The following GLT8D2 variants were observed in gnomAD, a reference collection of about 807,000 sequenced individuals.
The protein encoded by GLT8D2 is glycosyltransferase 8 domain containing 2.
In GLT8D2, 45 loss-of-function variants were observed where a neutral mutation model predicts 44.5. That is an observed-to-expected ratio of 1.01 (90% CI 0.80 to 1.30). The LOEUF (loss-of-function observed/expected upper bound fraction) is 1.30. Among genes scored for constraint, GLT8D2 ranks in the 50% most tolerant of loss-of-function variants. The pLI, the probability that GLT8D2 is intolerant of heterozygous loss-of-function variation, is 0.00. For synonymous variants in GLT8D2, 156 were observed against 157.2 expected (o/e 0.99, Z 0.06); for missense variants, 400 against 430.4 (o/e 0.93, Z 0.62).
intron 4 of GLT8D2, among the ~76,000 whole-genome samples, chr12:104,008,402 C>T (rs1259038910): frequency 2.6e-5 from 4 of 152,076 alleles, no homozygotes; most frequent in Non-Finnish European, 2.9e-5. Flanking sequence ...GAACTTTGAA[C>T]TTGAGAGAGA....
intron 1 of GLT8D2, among the ~76,000 whole-genome samples, chr12:104,032,466 C>CA (rs547392677): frequency 0.014 from 811 of 59,584 alleles, 23 homozygotes; most frequent in Admixed American, 0.021. Context: ...TGTGCAATAG[C>CA]AAAAAAAAAA....
intron 1 of GLT8D2, among the ~76,000 whole-genome samples, chr12:104,060,764 A>T (rs1287267673): frequency 6.6e-6 from 1 of 152,096 alleles, no homozygotes; most frequent in East Asian, 1.9e-4. Context: ...CTCTAGAAAA[A>T]ATTTAAAAAC....
intron 1 of GLT8D2, chr12:104,030,637 A>G: frequency 7.8e-7 from 1 of 1,287,872 alleles, no homozygotes; most frequent in Non-Finnish European, 1.1e-6. Flanking sequence ...CAAACCATAT[A>G]CCTGATAAGA....
At chr12:104,028,558 G>A (rs1878848946) in intron 1 of GLT8D2, among the ~76,000 whole-genome samples, 1 of 152,078 alleles carries the variant, frequency 6.6e-6, no homozygotes, top group Admixed American at 6.6e-5. Flanking sequence ...AATCCTAGCT[G>A]CACAATGTAT....
intron 1 of GLT8D2, among the ~76,000 whole-genome samples, chr12:104,061,281 T>C (rs1228395084): frequency 6.6e-6 from 1 of 152,248 alleles, no homozygotes; most frequent in Non-Finnish European, 1.5e-5. Context: ...ATATTTTGCC[T>C]TAATTTTTCT....
At chr12:103,999,681 G>A (rs1873951327) in intron 5 of GLT8D2, among the ~76,000 whole-genome samples, 167 bp from the exon 6 acceptor site, 1 of 152,032 alleles carries the variant, frequency 6.6e-6, no homozygotes, top group Non-Finnish European at 1.5e-5. Flanking sequence ...TCCCCATCTG[G>A]TCTGACTTTA....
chr12:104,003,008 G>C, intron 5 of GLT8D2, 127 bp downstream of exon 5: 1 of 660,388 alleles, frequency 1.5e-6, no homozygotes. Context: ...GAGAGGGAGA[G>C]AAAGAGAGAA....
rs1192626372 is a variant in GLT8D2, at chr12:104,016,863, A to AAAGAAAGAAAGG, written c.20-1759_20-1758insCCTTTCTTTCTT. Among the ~76,000 whole-genome samples, 36 of 151,016 alleles carry AAAGAAAGAAAGG rather than the reference A, an allele frequency of 2.4e-4. 1 individual carries two copies. Among genetic ancestry groups the AAAGAAAGAAAGG allele is most frequent in the African/African-American group, 8.6e-4 (35 of 40,904 alleles). On this transcript the variant is annotated intron_variant, in intron 3 of 10. Transcript: ENST00000360814. ...GAAAGAAAGAAAGAAAGAAAGAAAG[A>AAAGAAAGAAAGG]AAGAAAGAAAGAAAGAAAGAAAAAT... is the stretch of plus-strand genomic sequence containing the variant.
At chr12:103,990,104 T>TCTGTAGG (rs1196677843) in intron 10 of GLT8D2, among the ~76,000 whole-genome samples, 2 of 33,880 alleles carry the variant, frequency 5.9e-5, no homozygotes, top group African/African-American at 1.2e-4. Context: ...TATATATATA[T>TCTGTAGG]ATATATATAT....
upstream of GLT8D2, among the ~76,000 whole-genome samples, chr12:104,052,241 G>A (rs1881789818): frequency 1.3e-5 from 2 of 152,184 alleles, no homozygotes; most frequent in Non-Finnish European, 2.9e-5. Flanking sequence ...TTTAGTAGGG[G>A]TTTTCTTAGA....
At chr12:104,052,957 G>A (rs1187657656), upstream of GLT8D2, among the ~76,000 whole-genome samples, 1 of 152,090 alleles carries the variant, frequency 6.6e-6, no homozygotes, top group African/African-American at 2.4e-5. Flanking sequence ...TAGCTAAAAC[G>A]TTGGTCACCT....
At chr12:104,052,208 T>C (rs1262899942), upstream of GLT8D2, among the ~76,000 whole-genome samples, 2 of 152,254 alleles carry the variant, frequency 1.3e-5, no homozygotes, top group Non-Finnish European at 2.9e-5. Context: ...GGCTACTATA[T>C]TGAGCAGTTC....
intron 1 of GLT8D2, among the ~76,000 whole-genome samples, chr12:104,036,774 A>G (rs1879970509): frequency 6.6e-6 from 1 of 152,206 alleles, no homozygotes; most frequent in Non-Finnish European, 1.5e-5. Context: ...GTTAACAAGA[A>G]TATCCAAGAC....
At chr12:104,044,890 T>C (rs1023871523) in intron 1 of GLT8D2, among the ~76,000 whole-genome samples, 4 of 152,258 alleles carry the variant, frequency 2.6e-5, no homozygotes, top group African/African-American at 9.6e-5. Context: ...TTTCACCAGA[T>C]CCACCAGTTG....
intron 4 of GLT8D2, among the ~76,000 whole-genome samples, chr12:104,009,187 G>C (rs1875493299): frequency 6.6e-6 from 1 of 152,196 alleles, no homozygotes; most frequent in Non-Finnish European, 1.5e-5. Flanking sequence ...GACACTCAAT[G>C]CCAGCCCATG....
At chr12:104,045,176 C>G (rs915840333) in intron 1 of GLT8D2, among the ~76,000 whole-genome samples, 1 of 152,202 alleles carries the variant, frequency 6.6e-6, no homozygotes, top group East Asian at 1.9e-4. Context: ...CTCTTCAGCC[C>G]CAGAAAGAAA....
intron 4 of GLT8D2, among the ~76,000 whole-genome samples, chr12:104,005,927 T>C (rs1034055134): frequency 2.0e-4 from 31 of 152,182 alleles, no homozygotes; most frequent in African/African-American, 7.2e-4. Context: ...TAAAGACACA[T>C]GCACACGTAT....
At position 104,059,395 on chromosome 12, in the gene GLT8D2, T is replaced by C. The variant is rs11834974; in HGVS notation, c.-423+4554A>G. Among the ~76,000 whole-genome samples the C allele has an allele frequency of 9.7e-3, 1,482 of 152,272 alleles. 24 individuals carry two copies. The highest frequency in any genetic ancestry group is 0.034 in the African/African-American group (1,410 of 41,538). ...TCACTAAGTACTCAGGAAATTAGGC[T>C]TCTTCCAGCTCATGGTCCAAGATGG... On this transcript the variant is annotated intron_variant, in intron 1 of 10. Transcript: ENST00000548660.
chr12:104,016,819 GAGAAAGA>G (rs1876841540), intron 3 of GLT8D2, among the ~76,000 whole-genome samples: 2 of 66,140 alleles, frequency 3.0e-5, no homozygotes, highest in Admixed American at 1.7e-4. Context: ...AAGAAAGAAA[GAGAAAGA>G]AAAGAAAGAA....
Sources: gnomAD v4.1 joint callset for allele counts (sites outside exome capture counted in the v4.1 genomes callset) on GRCh38, gnomAD v4.1.1 for gene constraint, MANE v1.5 for transcripts, NCBI Gene and HGNC (gene_info 2026-07-23, HGNC 2026-07-21) for gene names.